CCDC141: variants seen among roughly 807,000 people sequenced by gnomAD.
CCDC141 encodes the protein coiled-coil domain-containing protein 141.
A neutral mutation model predicts 181.0 loss-of-function variants in CCDC141; 168 were observed. That is an observed-to-expected ratio of 0.93 (90% CI 0.82 to 1.05). The LOEUF (loss-of-function observed/expected upper bound fraction) is 1.05, where lower values mean the gene tolerates loss of function less well. Ranked by LOEUF, CCDC141 falls within the 50% of genes least tolerant of loss-of-function variation. The probability of loss-of-function intolerance (pLI) is 0.00; values close to 1 mark genes in which losing one functional copy is unlikely to be tolerated. For synonymous variants in CCDC141, 666 were observed against 642.3 expected, an observed-to-expected ratio of 1.04 and a Z score of -0.56; for missense variants, 1,902 against 1,788.5, an observed-to-expected ratio of 1.06 and a Z score of -1.14.
chr2:178,901,711 C>T (rs1687701242), intron 8 of CCDC141, among the ~76,000 whole-genome samples: 1 of 151,188 alleles, frequency 6.6e-6, no homozygotes, highest in Non-Finnish European at 1.5e-5. Context: ...CAGGGATGCC[C>T]TCTCTCACCA....
At chr2:179,049,766 G>C in intron 1 of CCDC141, 74 bp downstream of exon 1, 1 of 1,489,872 alleles carries the variant, frequency 6.7e-7, no homozygotes, top group Non-Finnish European at 9.1e-7. Flanking sequence ...CGATTGCATG[G>C]AATGTTCTTT....
the CCDC141 span, among the ~76,000 whole-genome samples, chr2:178,823,623 T>A: frequency 6.6e-6 from 1 of 152,222 alleles, no homozygotes; most frequent in African/African-American, 2.4e-5. Context: ...AGATTTATGA[T>A]GTTATGACGT....
At chr2:178,999,680 T>C (rs2041895737) in intron 2 of CCDC141, among the ~76,000 whole-genome samples, 1 of 152,132 alleles carries the variant, frequency 6.6e-6, no homozygotes, top group African/African-American at 2.4e-5. Flanking sequence ...TCTGAAATTT[T>C]TGTGGTTCCC....
At position 178,837,304 on chromosome 2, in the gene CCDC141, G is replaced by A. The variant is rs769688574; in HGVS notation, c.3915C>T (p.Phe1305=). The A allele has an allele frequency of 3.2e-5, 52 of 1,613,942 alleles. No homozygotes were observed. The highest frequency in any genetic ancestry group is 4.0e-5 in the African/African-American group (3 of 74,910). ...TGTGTAAGGCAGTACTCTTTTCCAC[G>A]AATCCTCTGGAGGTTAGTGGGGGCT... ...KAEPPLTSRG[F]VEKSTALHRI... Residue 1305 remains phenylalanine, a synonymous_variant, in exon 23 of 24, where the codon TTC becomes TTT. Transcript: ENST00000443758.
At chr2:178,992,695 G>T (rs72963214) in intron 2 of CCDC141, among the ~76,000 whole-genome samples, 2,891 of 152,150 alleles carry the variant, frequency 0.019, 40 homozygotes, top group Non-Finnish European at 0.028. Flanking sequence ...ATAAATAGGG[G>T]TTGCATCGTG....
chr2:178,857,822 A>G lies in CCDC141; in HGVS notation c.2725-1425T>C, dbSNP rs186926287. Among the ~76,000 whole-genome samples the G allele has an allele frequency of 2.5e-3, 376 of 152,338 alleles. 2 individuals are homozygous for G. Among genetic ancestry groups the G allele is most frequent in the Admixed American group, 4.3e-3 (66 of 15,298 alleles). On this transcript the variant is annotated intron_variant, in intron 17 of 23. Transcript: ENST00000443758. Reference sequence around the variant, plus strand: ...GCAAACAAATTATTTGGGAGGGAATAAAGACTGTGCATGTGCTAGATTATA... The same window carrying G: ...GCAAACAAATTATTTGGGAGGGAATGAAGACTGTGCATGTGCTAGATTATA...
chr2:178,868,357 G>A (rs1039827529), intron 15 of CCDC141, 152 bp from the exon 16 acceptor site: 3 of 618,000 alleles, frequency 4.9e-6, no homozygotes, highest in Admixed American at 2.9e-5. Flanking sequence ...ATGTTAGAAT[G>A]CTGCAAATCC....
chr2:178,834,376 G>A lies in CCDC141; in HGVS notation c.4390C>T (p.His1464Tyr). 1 of 1,536,370 alleles carries A rather than the reference G, an allele frequency of 6.5e-7. No homozygotes were observed. The highest frequency in any genetic ancestry group is 2.4e-5 in the East Asian group (1 of 40,924). Residue 1464 changes from histidine to tyrosine, a missense_variant, in exon 24 of 24, where the codon CAT (histidine) becomes TAT (tyrosine). Coordinates refer to ENST00000443758, the MANE Select transcript of CCDC141 (RefSeq NM_173648.4). Reference protein sequence around the residue: ...HLQVLHKETRHSVFIPKVCKA... With the variant: ...HLQVLHKETRYSVFIPKVCKA... ...CATACCTTTGGAATGAACACCGAAT[G>A]CCTTGTCTCCTTGTGTAAAACCTGT...
chr2:178,847,309 C>G, intron 21 of CCDC141, among the ~76,000 whole-genome samples: 1 of 152,146 alleles, frequency 6.6e-6, no homozygotes, highest in Non-Finnish European at 1.5e-5. Context: ...GCGGAAAGAT[C>G]ACTTGAGCCC....
At chr2:178,816,912 C>A in the CCDC141 span, among the ~76,000 whole-genome samples, 1 of 152,124 alleles carries the variant, frequency 6.6e-6, no homozygotes, top group Non-Finnish European at 1.5e-5. Context: ...CATATTCTAG[C>A]TTTCTAGGAT....
At chr2:178,940,560 A>T (rs1468379852) in intron 6 of CCDC141, among the ~76,000 whole-genome samples, 3 of 152,192 alleles carry the variant, frequency 2.0e-5, no homozygotes, top group African/African-American at 7.2e-5. Context: ...ACCAAAAGGG[A>T]AGTGTAACTC....
intron 2 of CCDC141, among the ~76,000 whole-genome samples, chr2:179,045,831 G>T (rs1344950950): frequency 3.3e-5 from 5 of 152,146 alleles, no homozygotes; most frequent in African/African-American, 1.2e-4. Flanking sequence ...AACACATAAT[G>T]GGGTTTTCCT....
chr2:178,921,335 A>G (rs866601577), intron 6 of CCDC141, among the ~76,000 whole-genome samples: 3 of 152,258 alleles, frequency 2.0e-5, no homozygotes, highest in South Asian at 2.1e-4. Flanking sequence ...TTTCTGGCAC[A>G]CATAATAGGC....
intron 11 of CCDC141, among the ~76,000 whole-genome samples, chr2:178,879,400 T>C (rs1029530787): frequency 6.6e-6 from 1 of 152,152 alleles, no homozygotes; most frequent in Non-Finnish European, 1.5e-5. Context: ...AGCCTGCAAA[T>C]AGCTCTCAGA....
intron 22 of CCDC141, among the ~76,000 whole-genome samples, chr2:178,842,430 G>T (rs1431764139): frequency 6.6e-6 from 1 of 152,136 alleles, no homozygotes; most frequent in African/African-American, 2.4e-5. Flanking sequence ...AAATCTATTA[G>T]CTTCAAGTCT....
intron 2 of CCDC141, among the ~76,000 whole-genome samples, chr2:179,005,103 T>C (rs539207917): frequency 4.6e-5 from 7 of 152,318 alleles, no homozygotes; most frequent in African/African-American, 1.4e-4. Flanking sequence ...CCAAAGAGCT[T>C]ACAATTTAGG....
At chr2:178,844,675 T>C (rs1223215095) in intron 22 of CCDC141, among the ~76,000 whole-genome samples, 2 of 152,190 alleles carry the variant, frequency 1.3e-5, no homozygotes, top group Non-Finnish European at 2.9e-5. Context: ...GAAAAGGACC[T>C]ATAAGAAAGC....
chr2:178,822,602 G>A, the CCDC141 span, among the ~76,000 whole-genome samples: 2 of 152,024 alleles, frequency 1.3e-5, no homozygotes, highest in Non-Finnish European at 2.9e-5. Flanking sequence ...CTATTTTAAT[G>A]AGCAATATTT....
intron 13 of CCDC141, 57 bp downstream of exon 13, chr2:178,872,076 A>AT: frequency 6.5e-7 from 1 of 1,547,362 alleles, no homozygotes; most frequent in South Asian, 1.2e-5. Context: ...AGGTTCGCTC[A>AT]TGTTAGCCTG....
Sources: gnomAD v4.1 joint callset for allele counts (sites outside exome capture counted in the v4.1 genomes callset) on GRCh38, gnomAD v4.1.1 for gene constraint, MANE v1.5 for transcripts, NCBI Gene and HGNC (gene_info 2026-07-23, HGNC 2026-07-21) for gene names.